Variants in ADCY10 observed in about 807,000 individuals in gnomAD.
The protein encoded by ADCY10 is adenylate cyclase type 10.
In ADCY10, 156 loss-of-function variants were observed where a neutral mutation model predicts 183.3. The ratio of observed to expected loss-of-function variants is 0.85; its 90% CI spans 0.75 to 0.97. ADCY10 has a LOEUF of 0.97. ADCY10 is among the 50% of genes least tolerant of loss of function. The pLI is 0.00. For missense variants in ADCY10, 1,745 were observed against 1,934.3 expected, an observed-to-expected ratio of 0.90 and a Z score of 1.84; for synonymous variants, 645 against 670.0, an observed-to-expected ratio of 0.96 and a Z score of 0.58.
chr1:167,869,750 C>T (rs1054925535), intron 14 of ADCY10, among the ~76,000 whole-genome samples: 1 of 152,292 alleles, frequency 6.6e-6, no homozygotes, highest in Admixed American at 6.5e-5. Context: ...TGCAGACCCC[C>T]TTAGAGTTGT....
At chr1:167,829,532 G>T in intron 25 of ADCY10, 109 bp from the exon 26 acceptor site, 1 of 1,316,972 alleles carries the variant, frequency 7.6e-7, no homozygotes, top group Non-Finnish European at 1.1e-6. Flanking sequence ...AATCAAAACT[G>T]ACTTGAATTT....
intron 25 of ADCY10, among the ~76,000 whole-genome samples, chr1:167,830,463 C>T (rs1453915757): frequency 1.3e-5 from 2 of 152,058 alleles, no homozygotes; most frequent in Non-Finnish European, 2.9e-5. Context: ...ATGATCTCAG[C>T]TCACTGCAAC....
At chr1:167,834,143 T>C in intron 23 of ADCY10, 66 bp from the exon 24 acceptor site, 2 of 1,190,682 alleles carry the variant, frequency 1.7e-6, no homozygotes, top group African/African-American at 3.0e-5. Flanking sequence ...GAAGGGCCAT[T>C]GCCCCAGACT....
intron 32 of ADCY10, among the ~76,000 whole-genome samples, chr1:167,810,483 A>C (rs1196456001): frequency 6.6e-6 from 1 of 152,206 alleles, no homozygotes; most frequent in African/African-American, 2.4e-5. Context: ...TTGACATGTG[A>C]GGACACAGCA....
At position 167,905,180 on chromosome 1, in the gene ADCY10, C is replaced by T; in HGVS notation, c.-40G>A. The T allele has an allele frequency of 1.9e-6, 3 of 1,612,920 alleles. No homozygotes were observed. The highest frequency in any genetic ancestry group is 2.2e-5 in the East Asian group (1 of 44,878). On this transcript the variant is annotated 5_prime_UTR_variant, in exon 2 of 33. Transcript: ENST00000367851. The stretch of plus-strand genomic sequence containing the variant: ...TTCAGGATTTTATGGTGACAGGAAG[C>T]AGTCTCCAAATAGGTCTTCTAAAAA...
At position 167,810,809 on chromosome 1, in the gene ADCY10, T is replaced by C. The variant is rs758948019; in HGVS notation, c.4587A>G (p.Lys1529=). 6.2e-7 allele frequency: 1 copy of C among 1,614,238 alleles called. No homozygotes were observed. Among genetic ancestry groups the C allele is most frequent in the Non-Finnish European group, 8.5e-7 (1 of 1,180,040 alleles). Residue 1529 remains lysine, a synonymous_variant, in exon 32 of 33, where the codon AAA becomes AAG. Transcript: ENST00000367851. ...AGGCTGTGTTCAGGAAGAGGCCACA[T>C]TTCTGCCCATCTCCCATTAATATAC... ...YVCILMGDGQ[K]CGLFLNTALR...
intron 17 of ADCY10, among the ~76,000 whole-genome samples, chr1:167,855,341 C>CAAAA (rs1396817590): frequency 6.6e-6 from 1 of 151,700 alleles, no homozygotes; most frequent in East Asian, 1.9e-4. Flanking sequence ...AACAAACAAA[C>CAAAA]AAACAAACAA....
At chr1:167,857,440 C>A (rs373965258) in intron 16 of ADCY10, among the ~76,000 whole-genome samples, 1 of 152,278 alleles carries the variant, frequency 6.6e-6, no homozygotes, top group African/African-American at 2.4e-5. Flanking sequence ...TTGAGTTTGA[C>A]TGGTATCTTT....
chr1:167,903,284 C>G (rs1669569136), intron 3 of ADCY10, among the ~76,000 whole-genome samples: 1 of 148,774 alleles, frequency 6.7e-6, no homozygotes, highest in Non-Finnish European at 1.5e-5. Context: ...ATAAAAATAG[C>G]CGGGCACCCT....
intron 2 of ADCY10, chr1:167,904,648 A>G (rs1487052276): frequency 1.7e-6 from 1 of 583,292 alleles, no homozygotes; most frequent in Non-Finnish European, 3.0e-6. Context: ...TGTAAACATC[A>G]TCTAGGGAGA....
At chr1:167,833,520 C>A (rs540326234) in intron 24 of ADCY10, among the ~76,000 whole-genome samples, 39 of 152,086 alleles carry the variant, frequency 2.6e-4, no homozygotes, top group Non-Finnish European at 4.0e-4. Flanking sequence ...TCAGGGCGGG[C>A]GGATCACTTG....
chr1:167,829,171 T>A (rs1202739480), intron 26 of ADCY10, 96 bp downstream of exon 26: 1 of 1,437,288 alleles, frequency 7.0e-7, no homozygotes, highest in African/African-American at 1.4e-5. Flanking sequence ...TCTATTATTA[T>A]ATCCTCAGAA....
At chr1:167,902,428 GATGAAT>G (rs1669498961) in intron 3 of ADCY10, among the ~76,000 whole-genome samples, 1 of 152,206 alleles carries the variant, frequency 6.6e-6, no homozygotes, top group African/African-American at 2.4e-5. Context: ...TGGGTGGGTG[GATGAAT>G]GACAGGACTC....
chr1:167,864,578 A>G (rs1193240708), intron 14 of ADCY10, among the ~76,000 whole-genome samples: 1 of 152,154 alleles, frequency 6.6e-6, no homozygotes, highest in South Asian at 2.1e-4. Flanking sequence ...AGGCAAAAGG[A>G]AAGTCAAAGA....
intron 23 of ADCY10, chr1:167,834,309 A>G (rs566542217): frequency 8.5e-6 from 5 of 585,562 alleles, no homozygotes; most frequent in South Asian, 8.0e-5. Flanking sequence ...CACTCCATCA[A>G]GAGAATGAAT....
chr1:167,906,580 G>T (rs1406440424), intron 1 of ADCY10, among the ~76,000 whole-genome samples: 1 of 149,378 alleles, frequency 6.7e-6, no homozygotes, highest in Non-Finnish European at 1.5e-5. Context: ...TTGAGCCCGA[G>T]TTCGAGACCA....
intron 14 of ADCY10, among the ~76,000 whole-genome samples, 170 bp downstream of exon 14, chr1:167,870,087 C>G (rs963185849): frequency 6.6e-6 from 1 of 152,196 alleles, no homozygotes; most frequent in African/African-American, 2.4e-5. Context: ...TTCTCTTTTT[C>G]TTAGCTCTAT....
chr1:167,869,709 CT>C lies in ADCY10; in HGVS notation c.1616+547del, dbSNP rs1483323758. The stretch of plus-strand genomic sequence containing the variant: ...GCTCACAGCCCCTGTCACGTACCCC[CT>C]GGCTTACTCAATCGATCACGACCCT... On this transcript the variant is annotated intron_variant, in intron 14 of 32. Transcript: ENST00000367851. 3.9e-5 allele frequency among the ~76,000 whole-genome samples: 6 copies of C among 152,210 alleles called. No homozygotes were observed. In the South Asian group the frequency reaches 6.2e-4, roughly 16 times the overall value.
At chr1:167,838,150 C>T (rs1466505895) in intron 21 of ADCY10, among the ~76,000 whole-genome samples, 1 of 152,182 alleles carries the variant, frequency 6.6e-6, no homozygotes, top group Non-Finnish European at 1.5e-5. Context: ...TAAGAAGTTA[C>T]CACCTTCTTC....
Sources: gnomAD v4.1 joint callset for allele counts (sites outside exome capture counted in the v4.1 genomes callset) on GRCh38, gnomAD v4.1.1 for gene constraint, MANE v1.5 for transcripts, NCBI Gene and HGNC (gene_info 2026-07-23, HGNC 2026-07-21) for gene names.